The following SMARCC1 variants were observed in gnomAD, a reference collection of about 807,000 sequenced individuals.
SMARCC1 encodes the protein SWI/SNF related BAF chromatin remodeling complex subunit C1.
SMARCC1 carries 43 observed loss-of-function variants against 147.4 expected under a neutral mutation model. The ratio of observed to expected loss-of-function variants is 0.29; its 90% CI spans 0.23 to 0.38. The LOEUF (loss-of-function observed/expected upper bound fraction) is 0.38, where lower values mean the gene tolerates loss of function less well. SMARCC1 is among the 10% of genes least tolerant of loss of function. The pLI is 1.00. For synonymous variants in SMARCC1, 495 were observed against 484.4 expected, an observed-to-expected ratio of 1.02 and a Z score of -0.29; for missense variants, 1,119 against 1,381.1, an observed-to-expected ratio of 0.81 and a Z score of 3.01.
intron 13 of SMARCC1, among the ~76,000 whole-genome samples, chr3:47,688,587 A>G (rs948957178): frequency 3.9e-5 from 6 of 152,180 alleles, no homozygotes; most frequent in Non-Finnish European, 7.4e-5. Context: ...ATTAAATCCT[A>G]CCTTAAATCT....
At chr3:47,629,405 G>C (rs968375478) in intron 24 of SMARCC1, among the ~76,000 whole-genome samples, 4 of 152,190 alleles carry the variant, frequency 2.6e-5, no homozygotes, top group African/African-American at 9.7e-5. Flanking sequence ...TTTATGACAA[G>C]AGAGTAGACT....
At position 47,597,168 on chromosome 3, in the gene SMARCC1, AGAG is replaced by A. The variant is rs1330539903; in HGVS notation, c.3044-6334_3044-6332del. On this transcript the variant is annotated intron_variant, in intron 26 of 27. Transcript: ENST00000254480. ...TCAGTCTCAAAAAAAAAAAAAAAAA[AGAG>A]AGAGAGATGAGGTCTTGCTCTGTCA... Among the ~76,000 whole-genome samples the A allele has an allele frequency of 5.4e-5, 8 of 149,214 alleles. No individual in the cohort carries two copies. The South Asian group carries it at 8.5e-4, about 16-fold the overall frequency.
intron 21 of SMARCC1, among the ~76,000 whole-genome samples, chr3:47,639,468 C>T (rs1288324784): frequency 1.3e-5 from 2 of 152,172 alleles, no homozygotes; most frequent in Non-Finnish European, 2.9e-5. Flanking sequence ...AATCCCAGCA[C>T]TTTGGGAGGC....
chr3:47,645,873 A>G (rs945427777), intron 21 of SMARCC1, among the ~76,000 whole-genome samples: 1 of 152,254 alleles, frequency 6.6e-6, no homozygotes, highest in Non-Finnish European at 1.5e-5. Context: ...CATAATATTA[A>G]TATCTATATG....
intron 2 of SMARCC1, among the ~76,000 whole-genome samples, chr3:47,752,038 T>G (rs1327398125): frequency 6.6e-6 from 1 of 151,908 alleles, no homozygotes. Context: ...GAACCGAGAT[T>G]GCGCCACTGT....
At chr3:47,762,840 G>GC (rs1356892316) in intron 2 of SMARCC1, among the ~76,000 whole-genome samples, 2 of 152,176 alleles carry the variant, frequency 1.3e-5, no homozygotes, top group Non-Finnish European at 2.9e-5. Context: ...GCCGAGGCGG[G>GC]CAGATCACGA....
At chr3:47,736,922 A>G (rs2034450936) in intron 4 of SMARCC1, among the ~76,000 whole-genome samples, 1 of 152,110 alleles carries the variant, frequency 6.6e-6, no homozygotes, top group African/African-American at 2.4e-5. Flanking sequence ...TGATCACCAT[A>G]AATTATCAAA....
chr3:47,593,685 G>A (rs2032222841), intron 26 of SMARCC1, among the ~76,000 whole-genome samples: 1 of 152,122 alleles, frequency 6.6e-6, no homozygotes, highest in African/African-American at 2.4e-5. Context: ...ACACAAAGCA[G>A]TACTGAAGAT....
At chr3:47,775,384 TC>T (rs2034962580) in intron 1 of SMARCC1, among the ~76,000 whole-genome samples, 1 of 149,798 alleles carries the variant, frequency 6.7e-6, no homozygotes, top group Non-Finnish European at 1.5e-5. Context: ...ATGGTCTCGA[TC>T]TCCTGACCTC....
chr3:47,694,703 C>T (rs2033827527), intron 11 of SMARCC1, among the ~76,000 whole-genome samples: 1 of 152,218 alleles, frequency 6.6e-6, no homozygotes, highest in Non-Finnish European at 1.5e-5. Flanking sequence ...TCAAAACTTT[C>T]ACACTTTTCC....
intron 24 of SMARCC1, among the ~76,000 whole-genome samples, chr3:47,622,781 T>C (rs1320354008): frequency 6.6e-6 from 1 of 152,188 alleles, no homozygotes; most frequent in African/African-American, 2.4e-5. Flanking sequence ...TCCCTTCTCT[T>C]TGGTGAGCAG....
intron 1 of SMARCC1, among the ~76,000 whole-genome samples, chr3:47,778,576 C>A (rs1366679100): frequency 1.3e-5 from 2 of 152,128 alleles, no homozygotes; most frequent in African/African-American, 4.8e-5. Flanking sequence ...CCTGGAATTC[C>A]CAAGTGCTGG....
intron 4 of SMARCC1, among the ~76,000 whole-genome samples, chr3:47,737,667 G>A (rs1458013621): frequency 6.6e-6 from 1 of 150,938 alleles, no homozygotes; most frequent in African/African-American, 2.4e-5. Context: ...TTTTGTTTTT[G>A]TTGTTTGAGA....
intron 26 of SMARCC1, among the ~76,000 whole-genome samples, chr3:47,591,700 G>A (rs944580316): frequency 9.2e-5 from 14 of 151,820 alleles, no homozygotes; most frequent in African/African-American, 3.4e-4. Context: ...CCACCACCAC[G>A]CCCAGCTATT....
At chr3:47,731,756 T>TC (rs2034376865) in intron 5 of SMARCC1, among the ~76,000 whole-genome samples, 1 of 152,226 alleles carries the variant, frequency 6.6e-6, no homozygotes, top group Non-Finnish European at 1.5e-5. Context: ...GCAGTAGGTC[T>TC]CTACAGTGGG....
At chr3:47,616,513 T>C (rs951836955) in intron 25 of SMARCC1, among the ~76,000 whole-genome samples, 2 of 152,122 alleles carry the variant, frequency 1.3e-5, no homozygotes, top group East Asian at 3.8e-4. Context: ...TGGCATGATC[T>C]CTGCACGCTG....
At chr3:47,743,383 T>C (rs1443719550) in intron 3 of SMARCC1, among the ~76,000 whole-genome samples, 2 of 152,236 alleles carry the variant, frequency 1.3e-5, no homozygotes, top group Admixed American at 1.3e-4. Context: ...CCCTATCCTT[T>C]ACGTCTTTTT....
chr3:47,648,855 G>A (rs570272110), intron 21 of SMARCC1, among the ~76,000 whole-genome samples: 8 of 152,102 alleles, frequency 5.3e-5, no homozygotes, highest in Admixed American at 1.3e-4. Context: ...ACTGTATGTC[G>A]CATGACATGA....
chr3:47,616,506 C>T (rs1313584974), intron 25 of SMARCC1, among the ~76,000 whole-genome samples: 1 of 152,012 alleles, frequency 6.6e-6, no homozygotes, highest in East Asian at 1.9e-4. Flanking sequence ...AGTACAATGG[C>T]ATGATCTCTG....
Sources: allele counts gnomAD v4.1 joint callset (sites outside exome capture counted in the v4.1 genomes callset), GRCh38; gene constraint gnomAD v4.1.1; transcripts MANE v1.5; gene names NCBI Gene and HGNC (gene_info 2026-07-23, HGNC 2026-07-21).